Variants in NKAIN2 observed in about 807,000 individuals in gnomAD.
The protein encoded by NKAIN2 is sodium/potassium-transporting ATPase subunit beta-1-interacting protein 2.
A neutral mutation model predicts 32.6 loss-of-function variants in NKAIN2; 14 were observed. The observed-to-expected ratio is 0.43, with a 90% CI of 0.28 to 0.67. The LOEUF is 0.67. Ranked by LOEUF, NKAIN2 falls within the 30% of genes least tolerant of loss-of-function variation. The pLI, the probability that NKAIN2 is intolerant of heterozygous loss-of-function variation, is 0.17. For synonymous variants in NKAIN2, 80 were observed against 87.2 expected, an observed-to-expected ratio of 0.92 and a Z score of 0.46; for missense variants, 198 against 258.3, an observed-to-expected ratio of 0.77 and a Z score of 1.60.
At chr6:124,416,024 T>A (rs927472160) in intron 3 of NKAIN2, among the ~76,000 whole-genome samples, 1 of 151,980 alleles carries the variant, frequency 6.6e-6, no homozygotes, top group African/African-American at 2.4e-5. Flanking sequence ...AAAATTTAAG[T>A]TTATTGCACA....
chr6:123,812,885 A>C (rs1333519507), intron 1 of NKAIN2, among the ~76,000 whole-genome samples: 1 of 152,226 alleles, frequency 6.6e-6, no homozygotes, highest in African/African-American at 2.4e-5. Context: ...AAATTGGTAC[A>C]CCCTACTCTT....
intron 3 of NKAIN2, among the ~76,000 whole-genome samples, chr6:124,428,936 G>T (rs1031471501): frequency 6.6e-6 from 1 of 152,168 alleles, no homozygotes; most frequent in Non-Finnish European, 1.5e-5. Flanking sequence ...GTTCTCACGG[G>T]ACATGGCTGT....
At chr6:124,576,685 A>G (rs1781348020) in intron 3 of NKAIN2, among the ~76,000 whole-genome samples, 1 of 152,154 alleles carries the variant, frequency 6.6e-6, no homozygotes. Flanking sequence ...ATAAATTTCA[A>G]TGTAAAAAAA....
At chr6:124,216,477 A>C (rs1016700930) in intron 1 of NKAIN2, among the ~76,000 whole-genome samples, 2 of 152,212 alleles carry the variant, frequency 1.3e-5, no homozygotes, top group African/African-American at 2.4e-5. Context: ...CATATGCCCA[A>C]CTGAGGTCAA....
intron 1 of NKAIN2, among the ~76,000 whole-genome samples, chr6:124,149,303 AT>A (rs910905086): frequency 2.9e-4 from 44 of 152,102 alleles, no homozygotes; most frequent in Non-Finnish European, 5.6e-4. Flanking sequence ...AATTTTATCC[AT>A]TTTTTTCTTT....
chr6:124,543,441 G>C (rs1368049557), intron 3 of NKAIN2, among the ~76,000 whole-genome samples: 1 of 152,064 alleles, frequency 6.6e-6, no homozygotes, highest in Non-Finnish European at 1.5e-5. Context: ...ATTTTTATTA[G>C]ATATAACTTC....
intron 3 of NKAIN2, among the ~76,000 whole-genome samples, chr6:124,377,387 C>A (rs1020179586): frequency 1.3e-5 from 2 of 152,132 alleles, no homozygotes; most frequent in Non-Finnish European, 2.9e-5. Context: ...TAAAGCCTAG[C>A]AGAGAAGACA....
intron 2 of NKAIN2, among the ~76,000 whole-genome samples, chr6:124,347,254 G>T (rs1397646205): frequency 2.0e-5 from 3 of 152,194 alleles, no homozygotes; most frequent in Non-Finnish European, 1.5e-5. Context: ...CTTTCTCTCT[G>T]GCTGCCTTTA....
Position 124,240,643 on chromosome 6 carries a change from AG to A in NKAIN2, c.55-42361del, listed in dbSNP as rs1793034473. Among the ~76,000 whole-genome samples, 3 of 152,160 alleles carry A rather than the reference AG, an allele frequency of 2.0e-5. No individual in the cohort carries two copies. In the South Asian group the frequency reaches 6.2e-4, roughly 32 times the overall value. On this transcript the variant is annotated intron_variant, in intron 1 of 6. Transcript: ENST00000368417. ...CACATAAACAGAACCAATGACAAAA[AG>A]CACATGATTATCTCAATAGATGCAG...
At chr6:124,040,619 T>C (rs1781825765) in intron 1 of NKAIN2, among the ~76,000 whole-genome samples, 1 of 152,046 alleles carries the variant, frequency 6.6e-6, no homozygotes, top group South Asian at 2.1e-4. Flanking sequence ...CATCAAGTTA[T>C]GTGCTAAGCC....
chr6:124,057,111 A>C (rs2114846513), intron 1 of NKAIN2, among the ~76,000 whole-genome samples: 1 of 152,206 alleles, frequency 6.6e-6, no homozygotes, highest in South Asian at 2.1e-4. Context: ...GAATCCATTA[A>C]CCCATTTGCT....
chr6:124,538,107 C>T (rs540288715), intron 3 of NKAIN2, among the ~76,000 whole-genome samples: 1 of 152,148 alleles, frequency 6.6e-6, no homozygotes, highest in South Asian at 2.1e-4. Flanking sequence ...TTATTCAATA[C>T]ATTCAGTTTC....
At chr6:124,186,236 G>T (rs1018659075) in intron 1 of NKAIN2, among the ~76,000 whole-genome samples, 1 of 150,598 alleles carries the variant, frequency 6.6e-6, no homozygotes, top group African/African-American at 2.4e-5. Flanking sequence ...GAAAGAGAGA[G>T]AAAGGAAAGA....
At chr6:124,004,553 C>T (rs1242575257) in intron 1 of NKAIN2, among the ~76,000 whole-genome samples, 1 of 151,826 alleles carries the variant, frequency 6.6e-6, no homozygotes, top group Non-Finnish European at 1.5e-5. Flanking sequence ...TTTCAGTTTG[C>T]TGAGAATGAT....
At chr6:124,250,101 A>G in intron 1 of NKAIN2, among the ~76,000 whole-genome samples, 1 of 152,126 alleles carries the variant, frequency 6.6e-6, no homozygotes, top group Non-Finnish European at 1.5e-5. Flanking sequence ...CTTTTAATAG[A>G]GGCCCCATGG....
chr6:124,143,433 C>T (rs1261005530), intron 1 of NKAIN2, among the ~76,000 whole-genome samples: 2 of 152,124 alleles, frequency 1.3e-5, no homozygotes, highest in African/African-American at 4.8e-5. Context: ...GTACTCCACC[C>T]TGGGTGGCAG....
chr6:124,555,971 C>T lies in NKAIN2; in HGVS notation c.274-102215C>T, dbSNP rs571540653. Among the ~76,000 whole-genome samples, 5 of 151,770 alleles carry T rather than the reference C, an allele frequency of 3.3e-5. No homozygotes were observed. In the East Asian group the frequency reaches 9.7e-4, roughly 29 times the overall value. On this transcript the variant is annotated intron_variant, in intron 3 of 6. Transcript: ENST00000368417. ...GAAGTTGAATCACACTTAGTTTAACCTTTACTGAGTTATTGAAATGGTGCC... is the reference window on the plus strand; with the variant it reads ...GAAGTTGAATCACACTTAGTTTAACTTTTACTGAGTTATTGAAATGGTGCC...
intron 3 of NKAIN2, among the ~76,000 whole-genome samples, chr6:124,410,115 T>C (rs1453812820): frequency 2.0e-5 from 3 of 152,216 alleles, no homozygotes; most frequent in Admixed American, 1.3e-4. Context: ...TAGTGGTCTA[T>C]CAATTTTGTT....
At chr6:123,876,031 A>G (rs543054419) in intron 1 of NKAIN2, among the ~76,000 whole-genome samples, 1 of 152,076 alleles carries the variant, frequency 6.6e-6, no homozygotes, top group Non-Finnish European at 1.5e-5. Flanking sequence ...CAATATGTGT[A>G]TATACACACC....
Sources: gnomAD v4.1 joint callset for allele counts (sites outside exome capture counted in the v4.1 genomes callset) on GRCh38, gnomAD v4.1.1 for gene constraint, MANE v1.5 for transcripts, NCBI Gene and HGNC (gene_info 2026-07-23, HGNC 2026-07-21) for gene names.